MACROD2: variants seen among roughly 807,000 people sequenced by gnomAD.
MACROD2 encodes mono-ADP ribosylhydrolase 2.
In MACROD2, 36 loss-of-function variants were observed where a neutral mutation model predicts 70.4. The ratio of observed to expected loss-of-function variants is 0.51; its 90% confidence interval spans 0.39 to 0.68. The LOEUF (loss-of-function observed/expected upper bound fraction) is 0.68. Among genes scored for constraint, MACROD2 ranks in the 30% least tolerant of loss-of-function variants. The pLI, the probability that MACROD2 is intolerant of heterozygous loss-of-function variation, is 0.00. For missense variants in MACROD2, 496 were observed against 538.4 expected (o/e 0.92, Z 0.78); for synonymous variants, 172 against 178.8 (o/e 0.96, Z 0.30).
At chr20:15,962,698 C>G (rs539078144) in intron 12 of MACROD2, among the ~76,000 whole-genome samples, 46 of 152,274 alleles carry the variant, frequency 3.0e-4, no homozygotes, top group African/African-American at 1.1e-3. Flanking sequence ...GGAACATCAA[C>G]CTGTCCCTGA....
chr20:14,755,977 G>C (rs1231359708), intron 5 of MACROD2, among the ~76,000 whole-genome samples: 1 of 151,874 alleles, frequency 6.6e-6, no homozygotes, highest in Non-Finnish European at 1.5e-5. Flanking sequence ...TTATTAAGGG[G>C]GGCAAAATTT....
At chr20:14,581,980 C>T (rs1159532252) in intron 4 of MACROD2, among the ~76,000 whole-genome samples, 1 of 152,126 alleles carries the variant, frequency 6.6e-6, no homozygotes, top group African/African-American at 2.4e-5. Context: ...GATAGCATCC[C>T]CAGTAAGATT....
chr20:15,641,231 T>C (rs1298047565), intron 8 of MACROD2, among the ~76,000 whole-genome samples: 1 of 152,200 alleles, frequency 6.6e-6, no homozygotes, highest in African/African-American at 2.4e-5. Context: ...TTCTTATTCT[T>C]TTCTTCTCTT....
At chr20:15,512,306 A>T (rs973818647) in intron 8 of MACROD2, among the ~76,000 whole-genome samples, 2 of 152,262 alleles carry the variant, frequency 1.3e-5, no homozygotes, top group African/African-American at 4.8e-5. Flanking sequence ...GGCACCCTGT[A>T]AACAGTAGAG....
chr20:14,417,062 CTATCATCTATCT>C (rs1240792411), intron 3 of MACROD2, among the ~76,000 whole-genome samples: 217 of 73,072 alleles, frequency 3.0e-3, no homozygotes, highest in African/African-American at 4.6e-3. Flanking sequence ...ATCTATCTAT[CTATCATCTATCT>C]ATCTATCTAT....
chr20:15,613,626 A>G (rs1335494111), intron 8 of MACROD2, among the ~76,000 whole-genome samples: 2 of 152,248 alleles, frequency 1.3e-5, no homozygotes, highest in East Asian at 3.8e-4. Context: ...AGCTATTTAT[A>G]ATGACCTATT....
intron 4 of MACROD2, among the ~76,000 whole-genome samples, chr20:14,501,632 T>C (rs1402711561): frequency 1.3e-5 from 2 of 152,138 alleles, no homozygotes; most frequent in African/African-American, 2.4e-5. Context: ...ATTTGTATGT[T>C]TCATAATTAA....
chr20:15,948,832 T>C (rs1481161144), intron 12 of MACROD2, among the ~76,000 whole-genome samples: 13 of 152,162 alleles, frequency 8.5e-5, no homozygotes, highest in Admixed American at 8.5e-4. Flanking sequence ...TAACAGTCAA[T>C]TCCATTACAT....
chr20:15,401,330 A>T (rs538486843), intron 6 of MACROD2, among the ~76,000 whole-genome samples: 1 of 151,636 alleles, frequency 6.6e-6, no homozygotes, highest in African/African-American at 2.4e-5. Flanking sequence ...GAGCCACCAC[A>T]CCCAGCCAGC....
At chr20:15,931,657 A>T (rs1179559440) in intron 10 of MACROD2, among the ~76,000 whole-genome samples, 2 of 152,022 alleles carry the variant, frequency 1.3e-5, no homozygotes, top group Non-Finnish European at 2.9e-5. Context: ...AAAAAAAAAA[A>T]AAGTAGTTAT....
intron 7 of MACROD2, among the ~76,000 whole-genome samples, chr20:15,470,100 C>A (rs8118633): frequency 0.47 from 71,436 of 151,652 alleles, 18,475 homozygotes; most frequent in African/African-American, 0.69. Flanking sequence ...CCCAGATTGG[C>A]GTATAATGGT....
At chr20:14,416,990 G>C (rs1409331182) in intron 3 of MACROD2, among the ~76,000 whole-genome samples, 1 of 152,000 alleles carries the variant, frequency 6.6e-6, no homozygotes, top group Non-Finnish European at 1.5e-5. Flanking sequence ...TTAATTTTCT[G>C]TTATGTGAAC....
intron 8 of MACROD2, among the ~76,000 whole-genome samples, chr20:15,671,906 C>T (rs2049984812): frequency 6.6e-6 from 1 of 152,168 alleles, no homozygotes; most frequent in Non-Finnish European, 1.5e-5. Context: ...TCATTTTGTC[C>T]TGGCGTGCCT....
intron 17 of MACROD2, among the ~76,000 whole-genome samples, 178 bp from the exon 18 acceptor site, chr20:16,049,652 C>A (rs1292776073): frequency 6.6e-6 from 1 of 152,116 alleles, no homozygotes; most frequent in Non-Finnish European, 1.5e-5. Context: ...TTTAAAGATA[C>A]CATGTGCCAG....
chr20:14,945,732 T>C (rs1215970758), intron 5 of MACROD2, among the ~76,000 whole-genome samples: 2 of 152,130 alleles, frequency 1.3e-5, no homozygotes, highest in African/African-American at 4.8e-5. Context: ...TGTCCTGTGA[T>C]AGCAAAGTAC....
intron 8 of MACROD2, among the ~76,000 whole-genome samples, chr20:15,599,149 G>GGCGGGCGGATCACGAGGTCA (rs1476235187): frequency 6.6e-6 from 1 of 152,076 alleles, no homozygotes; most frequent in Non-Finnish European, 1.5e-5. Flanking sequence ...GGGAGGCCAA[G>GGCGGGCGGATCACGAGGTCA]GCGGGCGGAT....
chr20:14,124,140 C>T (rs745914711), intron 3 of MACROD2, among the ~76,000 whole-genome samples: 1 of 152,118 alleles, frequency 6.6e-6, no homozygotes, highest in Non-Finnish European at 1.5e-5. Context: ...AAGCTGCATC[C>T]AATTCCTAGT....
In MACROD2 at chr20:15,772,387, T is replaced by C. The variant is rs146155528; in HGVS notation, c.646-90358T>C. Reference sequence around the variant, plus strand: ...AAAACTGGGGCTCAGAAAAATTACATGAAATTTTCAAGGTCGTAGGGCTAT... The same window carrying C: ...AAAACTGGGGCTCAGAAAAATTACACGAAATTTTCAAGGTCGTAGGGCTAT... On this transcript the variant is annotated intron_variant, in intron 8 of 17. Coordinates refer to ENST00000684519, the MANE Select transcript of MACROD2 (RefSeq NM_001351661.2). Among the ~76,000 whole-genome samples, 52 of 152,036 alleles carry C rather than the reference T, an allele frequency of 3.4e-4. 1 individual carries two copies. Among genetic ancestry groups the C allele is most frequent in the Admixed American group, 8.5e-4 (13 of 15,286 alleles).
intron 3 of MACROD2, among the ~76,000 whole-genome samples, chr20:14,091,888 C>T (rs905085931): frequency 3.3e-5 from 5 of 152,012 alleles, no homozygotes; most frequent in African/African-American, 1.2e-4. Context: ...ACCGATAAAG[C>T]TTTTATGAAC....
Sources: gnomAD v4.1 joint callset for allele counts (sites outside exome capture counted in the v4.1 genomes callset) on GRCh38, gnomAD v4.1.1 for gene constraint, MANE v1.5 for transcripts, NCBI Gene and HGNC (gene_info 2026-07-23, HGNC 2026-07-21) for gene names.